Variants in MINDY3 observed in about 807,000 individuals in gnomAD.
MINDY3 encodes ubiquitin carboxyl-terminal hydrolase MINDY-3.
Under a neutral mutation model 69.2 loss-of-function variants are expected in MINDY3, and 38 were observed. That is an observed-to-expected ratio of 0.55 (90% CI 0.42 to 0.72). The LOEUF (loss-of-function observed/expected upper bound fraction) is 0.72, where lower values mean the gene tolerates loss of function less well. Among genes scored for constraint, MINDY3 ranks in the 30% least tolerant of loss-of-function variants. The pLI is 0.00. For synonymous variants in MINDY3, 192 were observed against 180.1 expected (o/e 1.07, Z -0.53); for missense variants, 522 against 519.0 (o/e 1.01, Z -0.06).
chr10:15,844,756 A>C (rs1189039734), intron 2 of MINDY3, among the ~76,000 whole-genome samples: 1 of 152,218 alleles, frequency 6.6e-6, no homozygotes, highest in Non-Finnish European at 1.5e-5. Context: ...AATTTGTACT[A>C]TATAGCAGTA....
intron 1 of MINDY3, among the ~76,000 whole-genome samples, chr10:15,856,702 G>C (rs1259428044): frequency 2.0e-5 from 3 of 152,130 alleles, no homozygotes; most frequent in Admixed American, 1.3e-4. Flanking sequence ...CTTTAAAGAA[G>C]TTTGCCAAAC....
chr10:15,795,184 T>C (rs1222889788), intron 11 of MINDY3, among the ~76,000 whole-genome samples: 1 of 152,066 alleles, frequency 6.6e-6, no homozygotes, highest in Non-Finnish European at 1.5e-5. Context: ...ACATTATTCA[T>C]TTAATATTCA....
chr10:15,803,625 A>G (rs1838417649), intron 10 of MINDY3, among the ~76,000 whole-genome samples: 2 of 152,190 alleles, frequency 1.3e-5, no homozygotes, highest in South Asian at 2.1e-4. Context: ...CTAACTATAC[A>G]TAAAACCATA....
At chr10:15,790,250 A>T in intron 11 of MINDY3, among the ~76,000 whole-genome samples, 1 of 152,142 alleles carries the variant, frequency 6.6e-6, no homozygotes, top group East Asian at 1.9e-4. Context: ...ATGATTGTAG[A>T]AAGGTCTTTT....
At chr10:15,786,463 C>A (rs568084096) in intron 13 of MINDY3, 98 bp downstream of exon 13, 1 of 758,632 alleles carries the variant, frequency 1.3e-6, no homozygotes, top group South Asian at 1.6e-5. Flanking sequence ...CTCATATCTG[C>A]GCATTAGGAC....
chr10:15,816,954 TAAA>T (rs1363322083), intron 9 of MINDY3, 39 bp from the exon 10 acceptor site: 1 of 1,427,096 alleles, frequency 7.0e-7, no homozygotes, highest in Non-Finnish European at 9.8e-7. Context: ...ATAAACAAAT[TAAA>T]AATTTATACT....
At chr10:15,824,384 T>C (rs973696747) in intron 8 of MINDY3, among the ~76,000 whole-genome samples, 8 of 152,326 alleles carry the variant, frequency 5.3e-5, no homozygotes, top group African/African-American at 1.9e-4. Flanking sequence ...TGAACATTTT[T>C]TCATATACCT....
intron 1 of MINDY3, among the ~76,000 whole-genome samples, chr10:15,848,633 C>CAAAAAAAAAAAAAAAAA (rs10719399): frequency 4.1e-4 from 20 of 48,800 alleles, no homozygotes; most frequent in African/African-American, 1.5e-3. Context: ...GACTTCATCT[C>CAAAAAAAAAAAAAAAAA]AAAAAAAAAA....
intron 9 of MINDY3, among the ~76,000 whole-genome samples, chr10:15,819,288 A>G (rs972713123): frequency 2.0e-5 from 3 of 152,244 alleles, no homozygotes; most frequent in Non-Finnish European, 4.4e-5. Flanking sequence ...TAGAAAGTAA[A>G]TGTAAAATAT....
chr10:15,790,117 C>T (rs1837298773), intron 11 of MINDY3, among the ~76,000 whole-genome samples: 2 of 152,014 alleles, frequency 1.3e-5, no homozygotes, highest in African/African-American at 4.8e-5. Context: ...AAAAAAAAAT[C>T]TTGCCATGGA....
At chr10:15,804,308 C>A (rs1838474595) in intron 10 of MINDY3, among the ~76,000 whole-genome samples, 1 of 151,912 alleles carries the variant, frequency 6.6e-6, no homozygotes, top group Non-Finnish European at 1.5e-5. Flanking sequence ...CAGATATCTC[C>A]TTTTCACGTA....
rs367992302 is a variant in MINDY3 at position 15,846,784 on chromosome 10, C to T, written c.174+1080G>A. On this transcript the variant is annotated intron_variant, in intron 2 of 14. Transcript: ENST00000277632. Reference sequence around the variant, plus strand: ...TGTCGCCCAGGCTGGAGTACAGTGGCGCAATCTCGGCTCACTGCAACATCC... The same window carrying T: ...TGTCGCCCAGGCTGGAGTACAGTGGTGCAATCTCGGCTCACTGCAACATCC... Among the ~76,000 whole-genome samples the T allele has an allele frequency of 4.7e-5, 7 of 149,062 alleles. No individual in the cohort carries two copies. In the South Asian group the frequency reaches 8.4e-4, roughly 18 times the overall value.
intron 8 of MINDY3, among the ~76,000 whole-genome samples, chr10:15,830,936 T>A (rs542306194): frequency 4.5e-4 from 68 of 152,302 alleles, no homozygotes; most frequent in African/African-American, 1.6e-3. Flanking sequence ...AAATTTTGTG[T>A]AGACCAGGGA....
rs560764991 is a variant in MINDY3 at position 15,804,231 on chromosome 10, G to C, written c.883-8059C>G. On this transcript the variant is annotated intron_variant, in intron 10 of 14. Coordinates refer to ENST00000277632, the MANE Select transcript of MINDY3 (RefSeq NM_024948.4). ...GCTTAAATGCAGAGGGTTGGCGGGG[G>C]GGCGGGGGATGGAAGTAGGTGGACC... Among the ~76,000 whole-genome samples, 47 of 152,142 alleles carry C rather than the reference G, an allele frequency of 3.1e-4. No homozygotes were observed. The South Asian group carries it at 7.7e-3, about 25-fold the overall frequency.
intron 10 of MINDY3, among the ~76,000 whole-genome samples, chr10:15,798,145 A>G (rs1837975014): frequency 6.6e-6 from 1 of 152,186 alleles, no homozygotes; most frequent in Non-Finnish European, 1.5e-5. Flanking sequence ...GAGTTTTAAG[A>G]TACTGCTGGT....
chr10:15,859,261 A>C (rs941746511), intron 1 of MINDY3, among the ~76,000 whole-genome samples: 1 of 152,156 alleles, frequency 6.6e-6, no homozygotes, highest in Non-Finnish European at 1.5e-5. Flanking sequence ...TATATTTACT[A>C]TGCCAAAATT....
chr10:15,800,151 C>T (rs1220430702), intron 10 of MINDY3, among the ~76,000 whole-genome samples: 2 of 151,924 alleles, frequency 1.3e-5, no homozygotes, highest in Non-Finnish European at 2.9e-5. Flanking sequence ...ACTGTGCAGC[C>T]TAGAGATATT....
chr10:15,853,652 GC>G (rs1834469218), intron 1 of MINDY3, among the ~76,000 whole-genome samples: 1 of 151,828 alleles, frequency 6.6e-6, no homozygotes, highest in Non-Finnish European at 1.5e-5. Context: ...AAGCACTTAT[GC>G]TACATACTGG....
At chr10:15,843,315 C>T in intron 2 of MINDY3, 43 bp from the exon 3 acceptor site, 1 of 1,416,234 alleles carries the variant, frequency 7.1e-7, no homozygotes, top group Non-Finnish European at 1.0e-6. Flanking sequence ...GCATTATAAC[C>T]ATACATCATA....
Sources: gnomAD v4.1 joint callset for allele counts (sites outside exome capture counted in the v4.1 genomes callset) on GRCh38, gnomAD v4.1.1 for gene constraint, MANE v1.5 for transcripts, NCBI Gene and HGNC (gene_info 2026-07-23, HGNC 2026-07-21) for gene names.